The following SLC25A48 variants were observed in gnomAD, a reference collection of about 807,000 sequenced individuals.
SLC25A48 encodes CTC-321K16.1.
Under a neutral mutation model 32.2 loss-of-function variants are expected in SLC25A48, and 29 were observed. The observed-to-expected ratio is 0.90, with a 90% CI of 0.67 to 1.23. SLC25A48 has a LOEUF of 1.23. Among genes scored for constraint, SLC25A48 ranks in the 50% most tolerant of loss-of-function variants. The pLI is 0.00. For synonymous variants in SLC25A48, 164 were observed against 172.3 expected (o/e 0.95, Z 0.38); for missense variants, 399 against 422.7 (o/e 0.94, Z 0.49).
chr5:135,722,645 T>G (rs1272444777), intron 3 of SLC25A48, among the ~76,000 whole-genome samples: 1 of 152,248 alleles, frequency 6.6e-6, no homozygotes, highest in African/African-American at 2.4e-5. Context: ...CTAATGGTGC[T>G]TTCTTTACAG....
intron 3 of SLC25A48, among the ~76,000 whole-genome samples, chr5:135,715,964 A>C (rs1317665644): frequency 6.6e-6 from 1 of 152,096 alleles, no homozygotes; most frequent in African/African-American, 2.4e-5. Flanking sequence ...TTTTACTTGG[A>C]ATAAGTAGGT....
intron 4 of SLC25A48, 44 bp downstream of exon 4, chr5:135,852,865 C>T: frequency 1.3e-6 from 2 of 1,571,152 alleles, no homozygotes; most frequent in Non-Finnish European, 1.7e-6. Flanking sequence ...GGACTTGTGG[C>T]CCTTTCCTGG....
intron 1 of SLC25A48, among the ~76,000 whole-genome samples, chr5:135,607,703 T>C (rs891676215): frequency 2.0e-5 from 3 of 152,254 alleles, no homozygotes; most frequent in African/African-American, 7.2e-5. Flanking sequence ...GAGAAATTTC[T>C]TTAGCTCAGG....
intron 3 of SLC25A48, among the ~76,000 whole-genome samples, chr5:135,674,551 CT>C (rs765906094): frequency 2.0e-5 from 3 of 150,996 alleles, no homozygotes; most frequent in Admixed American, 6.6e-5. Context: ...CTTTCTGTGC[CT>C]TTTTTTTCTG....
intron 3 of SLC25A48, among the ~76,000 whole-genome samples, chr5:135,793,758 G>A (rs559485087): frequency 1.3e-4 from 19 of 151,602 alleles, no homozygotes; most frequent in African/African-American, 4.4e-4. Flanking sequence ...TGTACACCCT[G>A]GAATATTATT....
chr5:135,830,593 T>C (rs945859678), upstream of SLC25A48, among the ~76,000 whole-genome samples: 7 of 152,136 alleles, frequency 4.6e-5, no homozygotes, highest in African/African-American at 7.2e-5. Context: ...GCACATACTT[T>C]CCCAAAGTGC....
chr5:135,591,475 C>T (rs1346908656), intron 1 of SLC25A48, among the ~76,000 whole-genome samples: 1 of 152,182 alleles, frequency 6.6e-6, no homozygotes, highest in Non-Finnish European at 1.5e-5. Flanking sequence ...CCTTCTGGGC[C>T]CACCTCCAAT....
intron 1 of SLC25A48, chr5:135,579,718 G>C (rs532142387): frequency 6.6e-6 from 1 of 152,394 alleles, no homozygotes; most frequent in East Asian, 1.9e-4. Flanking sequence ...GGGTGGTGGG[G>C]AGAACCAGGA....
At chr5:135,723,088 C>G (rs1754999783) in intron 3 of SLC25A48, among the ~76,000 whole-genome samples, 1 of 152,310 alleles carries the variant, frequency 6.6e-6, no homozygotes, top group African/African-American at 2.4e-5. Context: ...GGAGCCAGCC[C>G]CTGTGCACCC....
intron 3 of SLC25A48, among the ~76,000 whole-genome samples, chr5:135,789,741 G>GA (rs1554075252): frequency 1.3e-5 from 2 of 151,660 alleles, no homozygotes; most frequent in Non-Finnish European, 2.9e-5. Context: ...ATTAAGGGGG[G>GA]ATAGCCTGGT....
At chr5:135,877,182 C>G (rs1311185075) in intron 6 of SLC25A48, among the ~76,000 whole-genome samples, 4 of 152,080 alleles carry the variant, frequency 2.6e-5, no homozygotes, top group African/African-American at 9.7e-5. Flanking sequence ...GAAGGAAAGT[C>G]TGGTAGTTTT....
intron 3 of SLC25A48, among the ~76,000 whole-genome samples, chr5:135,642,788 G>C (rs1752869987): frequency 6.6e-6 from 1 of 152,212 alleles, no homozygotes; most frequent in African/African-American, 2.4e-5. Flanking sequence ...CCAGACAAAA[G>C]GGGAACTGAG....
chr5:135,596,344 G>T (rs1751650775), intron 1 of SLC25A48, among the ~76,000 whole-genome samples: 1 of 152,148 alleles, frequency 6.6e-6, no homozygotes, highest in Non-Finnish European at 1.5e-5. Context: ...TTAACTCCCT[G>T]CAAATTATAG....
chr5:135,692,052 TCA>T (rs1476804130), intron 3 of SLC25A48, among the ~76,000 whole-genome samples: 1 of 152,132 alleles, frequency 6.6e-6, no homozygotes, highest in East Asian at 1.9e-4. Context: ...GCGCGGTGGC[TCA>T]CACCTGTAAT....
At chr5:135,871,961 A>T (rs2126806616) in intron 5 of SLC25A48, 1 of 1,421,074 alleles carries the variant, frequency 7.0e-7, no homozygotes, top group East Asian at 2.4e-5. Context: ...TATATTTTGA[A>T]CACATACTCT....
intron 1 of SLC25A48, among the ~76,000 whole-genome samples, chr5:135,603,542 C>A (rs544276887): frequency 6.6e-6 from 1 of 152,212 alleles, no homozygotes; most frequent in African/African-American, 2.4e-5. Context: ...ATCCCTCTGA[C>A]GGCCCCTCCC....
At chr5:135,859,278 G>A (rs537807493) in intron 4 of SLC25A48, among the ~76,000 whole-genome samples, 8 of 152,244 alleles carry the variant, frequency 5.3e-5, no homozygotes, top group Admixed American at 6.5e-5. Context: ...GCAAAGTCAC[G>A]TCTTACATGG....
chr5:135,844,072 T>G (rs1168988485), intron 2 of SLC25A48, among the ~76,000 whole-genome samples: 1 of 152,156 alleles, frequency 6.6e-6, no homozygotes, highest in Non-Finnish European at 1.5e-5. Flanking sequence ...TTAGAAACCT[T>G]TTCCACCTCT....
chr5:135,871,955 T>C, intron 5 of SLC25A48: 1 of 1,444,836 alleles, frequency 6.9e-7, no homozygotes, highest in Non-Finnish European at 9.1e-7. Flanking sequence ...AACAGATATA[T>C]TTTGAACACA....
Sources: gnomAD v4.1 joint callset for allele counts (sites outside exome capture counted in the v4.1 genomes callset) on GRCh38, gnomAD v4.1.1 for gene constraint, MANE v1.5 for transcripts, NCBI Gene and HGNC (gene_info 2026-07-23, HGNC 2026-07-21) for gene names.